CHL1: variants seen among roughly 807,000 people sequenced by gnomAD.
CHL1 encodes the protein cell adhesion molecule L1 like.
In CHL1, 96 loss-of-function variants were observed where a neutral mutation model predicts 141.9. The ratio of observed to expected loss-of-function variants is 0.68; its 90% CI spans 0.57 to 0.80. CHL1 has a LOEUF of 0.80. Ranked by LOEUF, CHL1 falls within the 30% of genes least tolerant of loss-of-function variation. The probability of loss-of-function intolerance (pLI) is 0.00; values close to 1 mark genes in which losing one functional copy is unlikely to be tolerated. For missense variants in CHL1, 1,820 were observed against 1,457.2 expected, an observed-to-expected ratio of 1.25 and a Z score of -4.05; for synonymous variants, 613 against 502.2, an observed-to-expected ratio of 1.22 and a Z score of -2.95.
rs9851669 is a variant in CHL1 at position 216,849 on chromosome 3, A to G, written c.-175+19786A>G. On this transcript the variant is annotated intron_variant, in intron 1 of 27. Coordinates refer to ENST00000256509, the MANE Select transcript of CHL1 (RefSeq NM_006614.4). ...CTGATATATGGAAATGCCATGATAG[A>G]GGCTCAGAAGCTAACACTGAATTCA... is the stretch of plus-strand genomic sequence containing the variant. 7.0e-3 allele frequency among the ~76,000 whole-genome samples: 1,067 copies of G among 152,278 alleles called. 14 individuals carry two copies. The highest frequency in any genetic ancestry group is 0.023 in the African/African-American group (947 of 41,528).
At chr3:237,289 C>T (rs1692088272) in intron 1 of CHL1, among the ~76,000 whole-genome samples, 1 of 152,170 alleles carries the variant, frequency 6.6e-6, no homozygotes, top group Admixed American at 6.5e-5. Context: ...TCTGCTGCCA[C>T]CATGCAAGAT....
intron 1 of CHL1, among the ~76,000 whole-genome samples, chr3:215,997 A>G (rs1700285478): frequency 6.6e-6 from 1 of 152,206 alleles, no homozygotes; most frequent in African/African-American, 2.4e-5. Flanking sequence ...AAACCATTGG[A>G]AATTGGCATA....
intron 2 of CHL1, among the ~76,000 whole-genome samples, chr3:265,900 C>T (rs148698547): frequency 7.9e-5 from 12 of 152,214 alleles, no homozygotes; most frequent in African/African-American, 1.7e-4. Context: ...TGAACTTCCA[C>T]CAAAAATAAC....
chr3:214,680 G>C (rs918537427), intron 1 of CHL1, among the ~76,000 whole-genome samples: 1 of 152,040 alleles, frequency 6.6e-6, no homozygotes, highest in Non-Finnish European at 1.5e-5. Context: ...ACTTCTGATA[G>C]CCCTTACATA....
At chr3:242,309 G>C (rs9852287) in intron 1 of CHL1, among the ~76,000 whole-genome samples, 24,706 of 125,408 alleles carry the variant, frequency 0.2, 2,235 homozygotes, top group East Asian at 0.42. Context: ...TAATAATACA[G>C]AGACTGGCTG....
intron 2 of CHL1, among the ~76,000 whole-genome samples, chr3:306,146 C>T (rs934840711): frequency 6.6e-5 from 10 of 152,044 alleles, no homozygotes; most frequent in Non-Finnish European, 1.3e-4. Flanking sequence ...GTCATTGGCC[C>T]GGGATTTGGC....
chr3:322,645 AATATATATATATATAT>A (rs4002786), intron 3 of CHL1, among the ~76,000 whole-genome samples: 1 of 130,226 alleles, frequency 7.7e-6, no homozygotes, highest in Non-Finnish European at 1.6e-5. Flanking sequence ...ATATATATAA[AATATATATATATATAT>A]ATATATATAA....
At chr3:287,856 C>A (rs565162090) in intron 2 of CHL1, among the ~76,000 whole-genome samples, 1 of 152,188 alleles carries the variant, frequency 6.6e-6, no homozygotes, top group African/African-American at 2.4e-5. Context: ...ACCTCCGCCT[C>A]CCGGGTTGAA....
At chr3:244,297 T>C (rs1692950984) in intron 1 of CHL1, among the ~76,000 whole-genome samples, 1 of 152,168 alleles carries the variant, frequency 6.6e-6, no homozygotes, top group Non-Finnish European at 1.5e-5. Context: ...ATGCTTACAG[T>C]TGTGGTCTGT....
intron 5 of CHL1, among the ~76,000 whole-genome samples, chr3:328,968 T>C (rs760092801): frequency 6.6e-6 from 1 of 152,148 alleles, no homozygotes; most frequent in Non-Finnish European, 1.5e-5. Flanking sequence ...AGTATGATGC[T>C]CATTAGGAAA....
intron 2 of CHL1, among the ~76,000 whole-genome samples, chr3:294,211 C>A (rs892610990): frequency 5.9e-5 from 9 of 152,112 alleles, no homozygotes; most frequent in East Asian, 2.0e-4. Flanking sequence ...CTCGGCTACT[C>A]AGGAGGGTGA....
intron 1 of CHL1, among the ~76,000 whole-genome samples, chr3:207,448 T>G (rs1433705625): frequency 6.6e-6 from 1 of 152,228 alleles, no homozygotes; most frequent in Non-Finnish European, 1.5e-5. Flanking sequence ...TAACTTGTTC[T>G]GTAAAATGCA....
chr3:339,101 G>C (rs528126961), intron 5 of CHL1, among the ~76,000 whole-genome samples: 1 of 152,078 alleles, frequency 6.6e-6, no homozygotes, highest in Non-Finnish European at 1.5e-5. Flanking sequence ...TTGTATCTGA[G>C]TATAGATAGA....
At chr3:387,674 G>C (rs1210095128) in intron 19 of CHL1, among the ~76,000 whole-genome samples, 1 of 152,154 alleles carries the variant, frequency 6.6e-6, no homozygotes, top group Non-Finnish European at 1.5e-5. Flanking sequence ...ATTCCAGATT[G>C]CAGTACGGCA....
chr3:258,738 G>C (rs1291736576), intron 2 of CHL1, among the ~76,000 whole-genome samples: 1 of 152,126 alleles, frequency 6.6e-6, no homozygotes, highest in Non-Finnish European at 1.5e-5. Flanking sequence ...AATTTTCCAG[G>C]TGTTGCTTCA....
At chr3:296,268 G>C (rs773523640) in intron 2 of CHL1, among the ~76,000 whole-genome samples, 2 of 151,886 alleles carry the variant, frequency 1.3e-5, no homozygotes, top group Non-Finnish European at 2.9e-5. Flanking sequence ...TTTTTATATC[G>C]TTCATCGAAA....
chr3:275,841 T>C (rs1289912725), intron 2 of CHL1, among the ~76,000 whole-genome samples: 3 of 152,126 alleles, frequency 2.0e-5, no homozygotes, highest in Non-Finnish European at 2.9e-5. Flanking sequence ...AAAAAACTAG[T>C]ATAAAATTTA....
At chr3:388,139 C>G (rs1292499121) in intron 19 of CHL1, among the ~76,000 whole-genome samples, 6 of 152,220 alleles carry the variant, frequency 3.9e-5, no homozygotes, top group South Asian at 2.1e-4. Flanking sequence ...TTTCAATGCA[C>G]AATCCCATTA....
At chr3:218,348 T>C (rs1468490287) in intron 1 of CHL1, among the ~76,000 whole-genome samples, 2 of 152,222 alleles carry the variant, frequency 1.3e-5, no homozygotes, top group Admixed American at 6.5e-5. Flanking sequence ...TTATTGATCA[T>C]AAGCATGATG....
Sources: allele counts gnomAD v4.1 joint callset (sites outside exome capture counted in the v4.1 genomes callset), GRCh38; gene constraint gnomAD v4.1.1; transcripts MANE v1.5; gene names NCBI Gene and HGNC (gene_info 2026-07-23, HGNC 2026-07-21).